VEGFC: variants seen among roughly 807,000 people sequenced by gnomAD.
The protein encoded by VEGFC is vascular endothelial growth factor C, also known as FLT4 ligand DHM.
VEGFC carries 12 observed loss-of-function variants against 46.1 expected under a neutral mutation model. That is an observed-to-expected ratio of 0.26 (90% confidence interval 0.17 to 0.42). The LOEUF is 0.42. Among genes scored for constraint, VEGFC ranks in the 10% least tolerant of loss-of-function variants. The probability of loss-of-function intolerance (pLI) is 1.00; values close to 1 mark genes in which losing one functional copy is unlikely to be tolerated. For synonymous variants in VEGFC, 232 were observed against 195.5 expected (o/e 1.19, Z -1.56); for missense variants, 488 against 529.4 (o/e 0.92, Z 0.77).
In VEGFC at chr4:176,687,858, A is replaced by G. The variant is rs1452738709; in HGVS notation, c.774T>C (p.Ala258=). 6.2e-7 allele frequency: 1 copy of G among 1,613,744 alleles called. No homozygotes were observed. The highest frequency in any genetic ancestry group is 8.5e-7 in the Non-Finnish European group (1 of 1,179,856). ...MWNNHICRCL[A]QEDFMFSSDA... is the part of the protein sequence containing the mutation. The stretch of plus-strand genomic sequence containing the variant: ...CCGAGGAAAACATAAAATCTTCCTG[A>G]GCCAGGCATCTGCAGATGTGATTAT... The change falls in exon 5 of 7, where the codon GCT becomes GCC. Residue 258 remains alanine, a synonymous_variant. Coordinates refer to ENST00000618562, the MANE Select transcript of VEGFC (RefSeq NM_005429.5).
Position 176,729,680 on chromosome 4 carries a change from C to T in VEGFC, c.214G>A (p.Val72Ile). The change falls in exon 2 of 7, where the codon GTA becomes ATA. Residue 72 changes from valine (V) to isoleucine (I), a missense_variant. Transcript: ENST00000618562. ...SVSSVDELMTVLYPEYWKMYK... is the reference protein window; with the variant it reads ...SVSSVDELMTILYPEYWKMYK... Reference sequence around the variant, plus strand: ...ATTTTCCAATATTCTGGGTAGAGTACAGTCATGAGTTCATCTACACTGGAC... The same window carrying T: ...ATTTTCCAATATTCTGGGTAGAGTATAGTCATGAGTTCATCTACACTGGAC... 1.2e-6 allele frequency: 2 copies of T among 1,613,516 alleles called. No individual in the cohort carries two copies. The highest frequency in any genetic ancestry group is 1.7e-6 in the Non-Finnish European group (2 of 1,179,776).
intron 4 of VEGFC, among the ~76,000 whole-genome samples, chr4:176,697,557 C>T (rs1285221919): frequency 1.3e-5 from 2 of 149,786 alleles, no homozygotes; most frequent in African/African-American, 4.9e-5. Flanking sequence ...CTAGTTCAAC[C>T]ATTGTGGAAG....
intron 1 of VEGFC, among the ~76,000 whole-genome samples, chr4:176,776,254 C>G (rs1413448262): frequency 6.6e-6 from 1 of 152,138 alleles, no homozygotes; most frequent in East Asian, 1.9e-4. Context: ...AATAAGGGAA[C>G]AAGAAGAAAA....
chr4:176,743,001 G>A (rs1021865361), intron 1 of VEGFC, among the ~76,000 whole-genome samples: 1 of 151,976 alleles, frequency 6.6e-6, no homozygotes, highest in Non-Finnish European at 1.5e-5. Flanking sequence ...CTACAGAAGC[G>A]AGCCCAAGTG....
At chr4:176,714,350 T>C (rs1270559145) in intron 3 of VEGFC, among the ~76,000 whole-genome samples, 2 of 152,156 alleles carry the variant, frequency 1.3e-5, no homozygotes, top group African/African-American at 4.8e-5. Flanking sequence ...CAGCGCCCCC[T>C]TCCACCAAGA....
chr4:176,756,691 C>T (rs13148273), intron 1 of VEGFC, among the ~76,000 whole-genome samples: 1,827 of 152,120 alleles, frequency 0.012, 15 homozygotes, highest in Non-Finnish European at 0.018. Flanking sequence ...AAAGAAGTCA[C>T]TGCTAGGTTA....
chr4:176,714,991 C>G (rs1026484227), intron 3 of VEGFC, among the ~76,000 whole-genome samples: 1 of 152,124 alleles, frequency 6.6e-6, no homozygotes, highest in Non-Finnish European at 1.5e-5. Context: ...GGTAAAACAG[C>G]ACTAAAACCA....
At chr4:176,747,711 T>C (rs946181807) in intron 1 of VEGFC, among the ~76,000 whole-genome samples, 2 of 152,086 alleles carry the variant, frequency 1.3e-5, no homozygotes, top group Middle Eastern at 3.2e-3. Flanking sequence ...GGAGGATCCC[T>C]TGAGCCCAGG....
At chr4:176,747,897 T>C (rs1735283413) in intron 1 of VEGFC, among the ~76,000 whole-genome samples, 1 of 152,002 alleles carries the variant, frequency 6.6e-6, no homozygotes, top group Admixed American at 6.6e-5. Flanking sequence ...GGGCAAATAA[T>C]AATTACTTTG....
intron 1 of VEGFC, among the ~76,000 whole-genome samples, chr4:176,771,613 T>TA (rs1455554589): frequency 1.3e-5 from 2 of 152,170 alleles, no homozygotes; most frequent in Non-Finnish European, 2.9e-5. Flanking sequence ...GTAAGACACT[T>TA]AAGAGAGGCA....
intron 1 of VEGFC, among the ~76,000 whole-genome samples, chr4:176,770,304 T>C (rs1735700506): frequency 6.6e-6 from 1 of 152,186 alleles, no homozygotes; most frequent in African/African-American, 2.4e-5. Context: ...TTTATATTAT[T>C]AAATTTCTTC....
chr4:176,696,595 A>C (rs1484598652), intron 4 of VEGFC, among the ~76,000 whole-genome samples: 1 of 151,394 alleles, frequency 6.6e-6, no homozygotes, highest in East Asian at 1.9e-4. Flanking sequence ...ATCCCCATCA[A>C]GCTACCAATG....
At position 176,693,139 on chromosome 4, in the gene VEGFC, C is replaced by T. The variant is rs1268086250; in HGVS notation, c.705-5212G>A. On this transcript the variant is annotated intron_variant, in intron 4 of 6. Transcript: ENST00000618562. Reference sequence around the variant, plus strand: ...AAAGCTGGATGGAGAATAACTTTGACGAGCTGCGAGAAGAAGGCTTCAGAC... The same window carrying T: ...AAAGCTGGATGGAGAATAACTTTGATGAGCTGCGAGAAGAAGGCTTCAGAC... Among the ~76,000 whole-genome samples, 7 of 152,174 alleles carry T rather than the reference C, an allele frequency of 4.6e-5. No individual in the cohort carries two copies. The East Asian group carries it at 5.8e-4, about 13-fold the overall frequency.
rs1259489526 is a variant in VEGFC at position 176,692,413 on chromosome 4, AAC to A, written c.705-4488_705-4487del. ...CGTCTCAAAAACAAACAAACAAACA[AAC>A]AAAAAAAAAACAAAAAACGGCACAC... On this transcript the variant is annotated intron_variant, in intron 4 of 6. Transcript: ENST00000618562. Among the ~76,000 whole-genome samples, 73 of 133,066 alleles carry A rather than the reference AAC, an allele frequency of 5.5e-4. 18 individuals are homozygous for A. Among genetic ancestry groups the A allele is most frequent in the African/African-American group, 2.5e-3 (68 of 26,904 alleles). The allele number at this position is 133,066 out of a possible 152,430, so 87.3% of individuals were successfully genotyped here. A position where few individuals can be genotyped will look rare whatever the true frequency, so the allele number is the denominator to read the frequency against.
chr4:176,700,841 T>A (rs1028626704), intron 4 of VEGFC, among the ~76,000 whole-genome samples: 1 of 152,072 alleles, frequency 6.6e-6, no homozygotes, highest in Admixed American at 6.6e-5. Context: ...CAGCCATACG[T>A]CATTAACAGA....
At chr4:176,686,021 GC>G (rs1307284403) in intron 6 of VEGFC, among the ~76,000 whole-genome samples, 1 of 152,110 alleles carries the variant, frequency 6.6e-6, no homozygotes, top group African/African-American at 2.4e-5. Context: ...TGAAATACAA[GC>G]TTTTTTCTGT....
chr4:176,737,631 A>T (rs1735078819), intron 1 of VEGFC, among the ~76,000 whole-genome samples: 1 of 151,606 alleles, frequency 6.6e-6, no homozygotes, highest in African/African-American at 2.4e-5. Context: ...TCATAAAAAT[A>T]GTTATATATT....
intron 1 of VEGFC, among the ~76,000 whole-genome samples, chr4:176,783,780 G>A (rs753531518): frequency 2.6e-5 from 4 of 152,084 alleles, no homozygotes; most frequent in Non-Finnish European, 5.9e-5. Flanking sequence ...TAAACACCCT[G>A]CATTTCCTTC....
chr4:176,737,306 T>C (rs1735072968), intron 1 of VEGFC, among the ~76,000 whole-genome samples: 1 of 146,988 alleles, frequency 6.8e-6, no homozygotes, highest in Non-Finnish European at 1.5e-5. Context: ...ATGTTTATAA[T>C]ATATAAATAT....
Sources: gnomAD v4.1 joint callset for allele counts (sites outside exome capture counted in the v4.1 genomes callset) on GRCh38, gnomAD v4.1.1 for gene constraint, MANE v1.5 for transcripts, NCBI Gene and HGNC (gene_info 2026-07-23, HGNC 2026-07-21) for gene names.